Variants in IQGAP2 observed in about 807,000 individuals in gnomAD.
IQGAP2 encodes the protein ras GTPase-activating-like protein IQGAP2.
Under a neutral mutation model 201.3 loss-of-function variants are expected in IQGAP2, and 173 were observed. The ratio of observed to expected loss-of-function variants is 0.86; its 90% confidence interval spans 0.76 to 0.98. The LOEUF (loss-of-function observed/expected upper bound fraction) is 0.98, where lower values mean the gene tolerates loss of function less well. Among genes scored for constraint, IQGAP2 ranks in the 50% least tolerant of loss-of-function variants. IQGAP2 has a pLI of 0.00. For synonymous variants in IQGAP2, 675 were observed against 673.9 expected (o/e 1.00, Z -0.03); for missense variants, 1,687 against 1,864.8 (o/e 0.90, Z 1.76).
intron 2 of IQGAP2, among the ~76,000 whole-genome samples, chr5:76,506,802 G>A (rs1294074344): frequency 6.6e-6 from 1 of 152,100 alleles, no homozygotes; most frequent in Non-Finnish European, 1.5e-5. Flanking sequence ...TCAGGTATAA[G>A]TCTAACAAAA....
intron 2 of IQGAP2, among the ~76,000 whole-genome samples, chr5:76,500,298 G>A (rs748591888): frequency 1.3e-5 from 2 of 152,198 alleles, no homozygotes; most frequent in Non-Finnish European, 2.9e-5. Flanking sequence ...CATTGGTAGA[G>A]GTAGGGACCT....
intron 32 of IQGAP2, 101 bp downstream of exon 32, chr5:76,695,767 T>C (rs34105050): frequency 1.2e-6 from 1 of 863,636 alleles, no homozygotes; most frequent in Admixed American, 2.0e-5. Flanking sequence ...GGATTCATGG[T>C]TGCATATGCT....
At chr5:76,623,295 A>C in intron 13 of IQGAP2, 1 of 1,575,156 alleles carries the variant, frequency 6.3e-7, no homozygotes, top group Non-Finnish European at 8.7e-7. Context: ...GCACAATTTC[A>C]CCTCAGTTCC....
In IQGAP2 at chr5:76,678,375, G is replaced by T. The variant is rs112506424; in HGVS notation, c.3660+1025G>T. Among the ~76,000 whole-genome samples the T allele has an allele frequency of 6.4e-3, 969 of 152,016 alleles. 11 individuals carry two copies. The highest frequency in any genetic ancestry group is 0.021 in the African/African-American group (886 of 41,438). ...TGGGTGCAGGGCACTGTGCTCAGTGGCATGGGGAAGGAATTGGGAGGCTTT... is the reference window on the plus strand; with the variant it reads ...TGGGTGCAGGGCACTGTGCTCAGTGTCATGGGGAAGGAATTGGGAGGCTTT... On this transcript the variant is annotated intron_variant, in intron 28 of 35. Coordinates refer to ENST00000274364, the MANE Select transcript of IQGAP2 (RefSeq NM_006633.5).
chr5:76,693,266 T>C, intron 30 of IQGAP2, 89 bp from the exon 31 acceptor site: 2 of 745,170 alleles, frequency 2.7e-6, no homozygotes, highest in Admixed American at 2.6e-5. Context: ...TTCAGTATTG[T>C]ATGTGTTTGT....
intron 2 of IQGAP2, among the ~76,000 whole-genome samples, chr5:76,477,771 A>G (rs1755530339): frequency 6.6e-6 from 1 of 152,208 alleles, no homozygotes; most frequent in African/African-American, 2.4e-5. Flanking sequence ...TCAGTGGGAC[A>G]AGATGTGGAG....
At chr5:76,558,972 C>T (rs981575778) in intron 2 of IQGAP2, among the ~76,000 whole-genome samples, 1 of 152,150 alleles carries the variant, frequency 6.6e-6, no homozygotes, top group Admixed American at 6.5e-5. Context: ...GCGATCTCGG[C>T]TCACTGCAAG....
intron 35 of IQGAP2, among the ~76,000 whole-genome samples, chr5:76,702,947 G>A (rs1044707995): frequency 1.4e-5 from 2 of 147,826 alleles, no homozygotes; most frequent in Non-Finnish European, 3.0e-5. Context: ...TGTATGCCCA[G>A]GACTGGAACT....
intron 35 of IQGAP2, 129 bp downstream of exon 35, chr5:76,702,719 A>AAACCAGTGCCAGCCTTATTTGCCAAT (rs1554088831): frequency 3.0e-4 from 174 of 582,984 alleles, no homozygotes; most frequent in Non-Finnish European, 4.6e-4. Flanking sequence ...TTATTTGCCA[A>AAACCAGTGCCAGCCTTATTTGCCAAT]TATTTGTTAA....
intron 2 of IQGAP2, among the ~76,000 whole-genome samples, chr5:76,549,304 AG>A (rs1441115731): frequency 6.9e-6 from 1 of 145,692 alleles, no homozygotes; most frequent in Non-Finnish European, 1.5e-5. Context: ...GTTCAGTCTC[AG>A]GCGTCGAGCT....
chr5:76,496,725 T>TTTTCTTTTC (rs1756935928), intron 2 of IQGAP2, among the ~76,000 whole-genome samples: 1 of 93,588 alleles, frequency 1.1e-5, no homozygotes, highest in East Asian at 3.0e-4. Flanking sequence ...TCTTTCTTTC[T>TTTTCTTTTC]TTTCTTTCTT....
intron 15 of IQGAP2, among the ~76,000 whole-genome samples, chr5:76,634,812 C>G (rs10042932): frequency 6.6e-6 from 1 of 151,776 alleles, no homozygotes; most frequent in Non-Finnish European, 1.5e-5. Flanking sequence ...TCTATATGTT[C>G]GCGTATAATT....
chr5:76,438,732 C>T (rs1302044681), intron 1 of IQGAP2, among the ~76,000 whole-genome samples: 1 of 152,244 alleles, frequency 6.6e-6, no homozygotes, highest in Non-Finnish European at 1.5e-5. Context: ...CAAGAGCCAC[C>T]GTGCCTGGCC....
At chr5:76,655,850 G>GT (rs1350445311) in intron 20 of IQGAP2, among the ~76,000 whole-genome samples, 2 of 152,096 alleles carry the variant, frequency 1.3e-5, no homozygotes, top group African/African-American at 4.8e-5. Flanking sequence ...TGTTATTTTG[G>GT]TTTTTTACAG....
At chr5:76,457,781 C>A (rs1754191894) in intron 1 of IQGAP2, among the ~76,000 whole-genome samples, 1 of 152,214 alleles carries the variant, frequency 6.6e-6, no homozygotes, top group Non-Finnish European at 1.5e-5. Flanking sequence ...TACTCTCTAA[C>A]AACTTGCTTT....
chr5:76,604,388 A>T (rs567286668), intron 11 of IQGAP2, among the ~76,000 whole-genome samples: 26 of 152,026 alleles, frequency 1.7e-4, no homozygotes, highest in African/African-American at 6.0e-4. Flanking sequence ...TCATTGATGG[A>T]CATTTGGGTT....
chr5:76,707,317 G>T lies in IQGAP2; in HGVS notation c.*4G>T. The T allele has an allele frequency of 7.8e-7, 1 of 1,280,192 alleles. No individual in the cohort carries two copies. The allele number at this position is 1,280,192 out of a possible 1,614,324, so 79.3% of individuals were successfully genotyped here. ...CAAGAAGTTCTATGGAAAGTGAAGT[G>T]CCTACAGAAATTTCTTGGATTCTGT... On this transcript the variant is annotated 3_prime_UTR_variant, in exon 36 of 36. Coordinates refer to ENST00000274364, the MANE Select transcript of IQGAP2 (RefSeq NM_006633.5).
At chr5:76,556,724 C>CT (rs951137715) in intron 2 of IQGAP2, among the ~76,000 whole-genome samples, 1 of 152,168 alleles carries the variant, frequency 6.6e-6, no homozygotes, top group African/African-American at 2.4e-5. Context: ...TCAGCAGAGT[C>CT]TGTCACCTGT....
At chr5:76,412,912 G>T (rs1472207557) in intron 1 of IQGAP2, among the ~76,000 whole-genome samples, 1 of 152,094 alleles carries the variant, frequency 6.6e-6, no homozygotes, top group Admixed American at 6.5e-5. Flanking sequence ...ATCATCAAAG[G>T]ATTAAATGAT....
Sources: allele counts gnomAD v4.1 joint callset (sites outside exome capture counted in the v4.1 genomes callset), GRCh38; gene constraint gnomAD v4.1.1; transcripts MANE v1.5; gene names NCBI Gene and HGNC (gene_info 2026-07-23, HGNC 2026-07-21).